The following SLC5A4 variants were observed in gnomAD, a reference collection of about 807,000 sequenced individuals.
SLC5A4 encodes the protein solute carrier family 5 member 4, also known as probable glucose sensor protein SLC5A4.
Under a neutral mutation model 70.3 loss-of-function variants are expected in SLC5A4, and 55 were observed. The observed-to-expected ratio is 0.78, with a 90% confidence interval of 0.63 to 0.98. SLC5A4 has a LOEUF of 0.98. Among genes scored for constraint, SLC5A4 ranks in the 50% least tolerant of loss-of-function variants. The probability of loss-of-function intolerance (pLI) is 0.00; values close to 1 mark genes in which losing one functional copy is unlikely to be tolerated. For missense variants in SLC5A4, 735 were observed against 839.2 expected (o/e 0.88, Z 1.53); for synonymous variants, 268 against 305.7 (o/e 0.88, Z 1.29).
intron 12 of SLC5A4, among the ~76,000 whole-genome samples, chr22:32,225,000 T>A (rs1925310187): frequency 6.6e-6 from 1 of 152,156 alleles, no homozygotes; most frequent in South Asian, 2.1e-4. Context: ...GTATGAGCTT[T>A]GGATGGAAGA....
the SLC5A4 span, among the ~76,000 whole-genome samples, chr22:32,328,303 C>T: frequency 3.3e-5 from 5 of 152,140 alleles, no homozygotes; most frequent in Non-Finnish European, 5.9e-5. Flanking sequence ...TCACACCCTC[C>T]TTTGGTACCC....
At chr22:32,230,893 A>G in intron 10 of SLC5A4, 75 bp downstream of exon 10, 2 of 858,884 alleles carry the variant, frequency 2.3e-6, no homozygotes, top group South Asian at 2.8e-5. Context: ...AGGTGCAAGA[A>G]TTGCACCATA....
the SLC5A4 span, among the ~76,000 whole-genome samples, chr22:32,310,061 G>A: frequency 1.3e-5 from 2 of 148,856 alleles, no homozygotes; most frequent in East Asian, 2.0e-4. Context: ...GGGTGGGGAG[G>A]GGGGAGGGAG....
chr22:32,274,396 T>C, the SLC5A4 span, among the ~76,000 whole-genome samples: 1 of 152,166 alleles, frequency 6.6e-6, no homozygotes, highest in African/African-American at 2.4e-5. Flanking sequence ...ACAGATATGA[T>C]GAAATAGTAC....
At chr22:32,247,170 G>A (rs1246896657) in intron 5 of SLC5A4, among the ~76,000 whole-genome samples, 10 of 152,148 alleles carry the variant, frequency 6.6e-5, no homozygotes, top group African/African-American at 2.4e-4. Flanking sequence ...GATGAGAGGG[G>A]AGATTTATAC....
chr22:32,220,970 A>G lies in SLC5A4; in HGVS notation c.1718T>C (p.Ile573Thr), dbSNP rs1351603654. 1 of 1,614,064 alleles carries G rather than the reference A, an allele frequency of 6.2e-7. No individual in the cohort carries two copies. The highest frequency in any genetic ancestry group is 8.5e-7 in the Non-Finnish European group (1 of 1,179,918). Residue 573 changes from isoleucine to threonine, a missense_variant, in exon 14 of 15, where the codon ATA (isoleucine) becomes ACA (threonine). Coordinates refer to ENST00000266086, the MANE Select transcript of SLC5A4 (RefSeq NM_014227.3). Reference sequence around the variant, plus strand: ...TTCCTGACTTTTCTCTTCTGCATCTATATCGATTCGCTCCTCTGTACTGTT... The same window carrying G: ...TTCCTGACTTTTCTCTTCTGCATCTGTATCGATTCGCTCCTCTGTACTGTT... ...LRNSTEERID[I>T]DAEEKSQEET...
At chr22:32,224,245 G>A in intron 13 of SLC5A4, 22 bp downstream of exon 13, 1 of 1,547,424 alleles carries the variant, frequency 6.5e-7, no homozygotes, top group Non-Finnish European at 8.9e-7. Context: ...AAATTAGCAT[G>A]TATTCATTAC....
At chr22:32,337,001 A>G in the SLC5A4 span, among the ~76,000 whole-genome samples, 1 of 152,262 alleles carries the variant, frequency 6.6e-6, no homozygotes, top group Admixed American at 6.5e-5. Context: ...AAAGCAGGAC[A>G]GGGCTGGAAG....
At chr22:32,274,254 A>T in the SLC5A4 span, among the ~76,000 whole-genome samples, 1 of 151,970 alleles carries the variant, frequency 6.6e-6, no homozygotes, top group Non-Finnish European at 1.5e-5. Context: ...ATTAGCCAGG[A>T]TGGTCTCGAT....
intron 7 of SLC5A4, among the ~76,000 whole-genome samples, chr22:32,236,262 A>G (rs922320825): frequency 6.6e-6 from 1 of 152,382 alleles, no homozygotes; most frequent in East Asian, 1.9e-4. Flanking sequence ...GATAAATACC[A>G]TAATAAGAGA....
the SLC5A4 span, among the ~76,000 whole-genome samples, chr22:32,309,479 ACT>A: frequency 1.3e-5 from 2 of 152,066 alleles, no homozygotes; most frequent in Admixed American, 1.3e-4. Context: ...AAAACCGGTA[ACT>A]CTAGAAATCT....
chr22:32,302,676 CTGTG>C, the SLC5A4 span, among the ~76,000 whole-genome samples: 1 of 152,192 alleles, frequency 6.6e-6, no homozygotes, highest in Non-Finnish European at 1.5e-5. Context: ...TTCCATTCAT[CTGTG>C]TGTCTGTCCT....
At chr22:32,307,553 G>C in the SLC5A4 span, among the ~76,000 whole-genome samples, 1 of 152,298 alleles carries the variant, frequency 6.6e-6, no homozygotes, top group East Asian at 1.9e-4. Context: ...GGAAGTCCAT[G>C]TCATTGAATG....
At chr22:32,324,425 AACAGGACTCTTACCG>A in the SLC5A4 span, among the ~76,000 whole-genome samples, 2 of 152,136 alleles carry the variant, frequency 1.3e-5, no homozygotes, top group African/African-American at 4.8e-5. Context: ...GCCTCTTACC[AACAGGACTCTTACCG>A]CTTTCAGTTT....
At chr22:32,289,221 T>C in the SLC5A4 span, among the ~76,000 whole-genome samples, 1 of 152,220 alleles carries the variant, frequency 6.6e-6, no homozygotes, top group Non-Finnish European at 1.5e-5. Flanking sequence ...GAAATGATCA[T>C]ATATTTTTCT....
chr22:32,261,426 G>A, the SLC5A4 span, among the ~76,000 whole-genome samples: 1 of 152,252 alleles, frequency 6.6e-6, no homozygotes, highest in Non-Finnish European at 1.5e-5. Context: ...TGAGGCAGGA[G>A]CGAGGTGGGG....
rs374584654 is a variant in SLC5A4 at position 32,234,825 on chromosome 22, C to CACAG, written c.885+44_885+47dup. 2,658 of 1,348,122 alleles carry CACAG rather than the reference C, an allele frequency of 2.0e-3. 4 individuals carry two copies. Among genetic ancestry groups the CACAG allele is most frequent in the Non-Finnish European group, 2.2e-3 (2,034 of 945,064 alleles). 83.5% of individuals were successfully genotyped at this position (1,348,122 alleles called of 1,614,324 possible). On this transcript the variant is annotated intron_variant, in intron 8 of 14. Transcript: ENST00000266086. ...ACAAGCACATGCACACATACAGACA[C>CACAG]ACAGACAGACAGACAGACAGACAGA...
At chr22:32,326,196 C>A in the SLC5A4 span, among the ~76,000 whole-genome samples, 1 of 152,240 alleles carries the variant, frequency 6.6e-6, no homozygotes, top group East Asian at 1.9e-4. Context: ...ATGTGTTCCC[C>A]AGCAGCGGCA....
chr22:32,332,484 CGA>C, the SLC5A4 span, among the ~76,000 whole-genome samples: 1 of 152,220 alleles, frequency 6.6e-6, no homozygotes, highest in African/African-American at 2.4e-5. Context: ...CCAGCTGCCC[CGA>C]GAGGCAGGGC....
Sources: gnomAD v4.1 joint callset for allele counts (sites outside exome capture counted in the v4.1 genomes callset) on GRCh38, gnomAD v4.1.1 for gene constraint, MANE v1.5 for transcripts, NCBI Gene and HGNC (gene_info 2026-07-23, HGNC 2026-07-21) for gene names.